The following ABI3 variants were observed in gnomAD, a reference collection of about 807,000 sequenced individuals.
The protein encoded by ABI3 is ABI gene family member 3.
In ABI3, 24 loss-of-function variants were observed where a neutral mutation model predicts 37.0. The ratio of observed to expected loss-of-function variants is 0.65; its 90% confidence interval spans 0.47 to 0.91. ABI3 has a LOEUF of 0.91. Among genes scored for constraint, ABI3 ranks in the 40% least tolerant of loss-of-function variants. The pLI is 0.00. For missense variants in ABI3, 481 were observed against 485.1 expected (o/e 0.99, Z 0.08); for synonymous variants, 220 against 211.8 (o/e 1.04, Z -0.34).
chr17:49,219,549 A>G lies in ABI3; in HGVS notation c.472A>G (p.Thr158Ala), dbSNP rs1049912551. The change falls in exon 4 of 8, where the codon ACG (threonine) becomes GCG (alanine). Residue 158 changes from threonine to alanine, a missense_variant. Physicochemically the swap from Thr to Ala is moderately conservative, Grantham distance 58. Transcript: ENST00000225941. This position sits in a 1 kb window ranked among gnomAD's most constrained non-coding sequence, Gnocchi z 4.3. The stretch of plus-strand genomic sequence containing the variant: ...TCCCGCTCCCTCGCAGGACCTCAGC[A>G]CGCAGCTGTCAAGAACAGGCACCCT... ...DIGHGIKDLS[T>A]QLSRTGTLSR... is the part of the protein sequence containing the mutation. 6 of 1,603,726 alleles carry G rather than the reference A, an allele frequency of 3.7e-6. No homozygotes were observed. Among genetic ancestry groups the G allele is most frequent in the East Asian group, 2.3e-5 (1 of 44,420 alleles).
intron 1 of ABI3, 33 bp from the exon 2 acceptor site, chr17:49,216,498 C>G: frequency 6.8e-7 from 1 of 1,480,966 alleles, no homozygotes; most frequent in Non-Finnish European, 9.0e-7. Context: ...GTGGAAGATG[C>G]TGGCCCTTAG....
In ABI3 at chr17:49,222,566, C is replaced by T. The variant is rs756129561; in HGVS notation, c.952C>T (p.Pro318Ser). 60 of 1,613,924 alleles carry T rather than the reference C, an allele frequency of 3.7e-5. No individual in the cohort carries two copies. In the South Asian group the frequency reaches 6.0e-4, roughly 16 times the overall value. Residue 318 changes from proline (P) to serine (S), a missense_variant, in exon 8 of 8, where the codon CCA (proline) becomes TCA (serine). Transcript: ENST00000225941. ...TTGCCCTGCAGTGGTGACACTGTAC[C>T]CATACACCAGCCAGAAGGACAATGA... is the stretch of plus-strand genomic sequence containing the variant. ...SYLEKVVTLY[P>S]YTSQKDNELS...
chr17:49,218,876 C>G (rs2143532141), intron 3 of ABI3, among the ~76,000 whole-genome samples: 1 of 151,916 alleles, frequency 6.6e-6, no homozygotes. Flanking sequence ...CTGAGCCACC[C>G]AAAGTTCTGG....
At position 49,220,339 on chromosome 17, in the gene ABI3, A is replaced by C; in HGVS notation, c.802+13A>C. On this transcript the variant is annotated intron_variant, in intron 6 of 7. Coordinates refer to ENST00000225941, the MANE Select transcript of ABI3 (RefSeq NM_016428.3). ...CCACCCCCACCGGGTAAGGAGGTCC[A>C]CCCTCTTCTTCCCAACCGTGGGGTC... 1 of 1,563,090 alleles carries C rather than the reference A, an allele frequency of 6.4e-7. No individual in the cohort carries two copies. Among genetic ancestry groups the C allele is most frequent in the Non-Finnish European group, 8.7e-7 (1 of 1,153,410 alleles).
At position 49,215,584 on chromosome 17, in the gene ABI3, G is replaced by A. The variant is rs956843537; in HGVS notation, c.118-947G>A. Among the ~76,000 whole-genome samples the A allele has an allele frequency of 1.3e-4, 20 of 151,640 alleles. No homozygotes were observed. The South Asian group carries it at 2.9e-3, about 22-fold the overall frequency. ...GTGATTTTGGCTCACTGCAACCTCC[G>A]CCTCCCGGGTTCAAGTGATTCTCAT... On this transcript the variant is annotated intron_variant, in intron 1 of 7. Coordinates refer to ENST00000225941, the MANE Select transcript of ABI3 (RefSeq NM_016428.3).
rs1014359172 is a variant in ABI3, at chr17:49,220,455, A to T, written c.802+129A>T. 1.4e-5 allele frequency: 17 copies of T among 1,207,484 alleles called. No individual in the cohort carries two copies. The East Asian group carries it at 3.9e-4, about 27-fold the overall frequency. 74.8% of individuals were successfully genotyped at this position (1,207,484 alleles called of 1,614,324 possible). On this transcript the variant is annotated intron_variant, in intron 6 of 7. Coordinates refer to ENST00000225941, the MANE Select transcript of ABI3 (RefSeq NM_016428.3). ...ATGCCTCCTCCAAGGAGCGCAGCAC[A>T]GGGGCGAAAGGAGACAGAGGAAGTG...
chr17:49,219,132 C>T lies in ABI3; in HGVS notation c.463-408C>T, dbSNP rs960554986. On this transcript the variant is annotated intron_variant, in intron 3 of 7. Coordinates refer to ENST00000225941, the MANE Select transcript of ABI3 (RefSeq NM_016428.3). This position sits in a 1 kb window ranked among gnomAD's most constrained non-coding sequence, Gnocchi z 4.3. ...ACTCCCCAAAGCCAGTTCCACAAAT[C>T]TTCGAAAATGAAAGGTGGGACACTT... is the stretch of plus-strand genomic sequence containing the variant. 1.3e-5 allele frequency among the ~76,000 whole-genome samples: 2 copies of T among 152,158 alleles called. No individual in the cohort carries two copies. Among genetic ancestry groups the T allele is most frequent in the African/African-American group, 4.8e-5 (2 of 41,410 alleles).
At chr17:49,221,332 G>C (rs905437042) in intron 6 of ABI3, among the ~76,000 whole-genome samples, 3 of 151,452 alleles carry the variant, frequency 2.0e-5, no homozygotes, top group African/African-American at 7.3e-5. Context: ...TTAGCCGGGC[G>C]TGGTGGCGGG....
intron 6 of ABI3, among the ~76,000 whole-genome samples, chr17:49,220,868 A>G (rs946598073): frequency 4.8e-5 from 7 of 144,850 alleles, no homozygotes; most frequent in Admixed American, 3.5e-4. Context: ...TAATAATAAT[A>G]ATAATAATAA....
At chr17:49,220,083 C>T (rs1400457165) in intron 5 of ABI3, 86 bp from the exon 6 acceptor site, 2 of 1,590,168 alleles carry the variant, frequency 1.3e-6, no homozygotes, top group Non-Finnish European at 1.7e-6. Context: ...ACGTGCAGGG[C>T]TGGGGTCAGG....
intron 2 of ABI3, 103 bp from the exon 3 acceptor site, chr17:49,217,636 G>T: frequency 9.1e-7 from 1 of 1,098,372 alleles, no homozygotes; most frequent in Non-Finnish European, 1.3e-6. Context: ...TCTAGACCTG[G>T]CTGCCTCCCC....
chr17:49,217,019 C>T (rs1019541661), intron 2 of ABI3, among the ~76,000 whole-genome samples: 1 of 152,148 alleles, frequency 6.6e-6, no homozygotes, highest in Non-Finnish European at 1.5e-5. Context: ...AAGCAGTGCC[C>T]TCATAAATAT....
At chr17:49,221,365 G>A (rs1211863626) in intron 6 of ABI3, among the ~76,000 whole-genome samples, 1 of 151,998 alleles carries the variant, frequency 6.6e-6, no homozygotes, top group Non-Finnish European at 1.5e-5. Context: ...CAGCTACTCG[G>A]GAGGCTGAGG....
chr17:49,216,859 C>T (rs913006255), intron 2 of ABI3, among the ~76,000 whole-genome samples, 161 bp downstream of exon 2: 3 of 152,216 alleles, frequency 2.0e-5, no homozygotes, highest in African/African-American at 7.2e-5. Context: ...TTTGGACCTC[C>T]TTATCTCTGT....
intron 1 of ABI3, among the ~76,000 whole-genome samples, chr17:49,215,243 T>C (rs2043207522): frequency 6.6e-6 from 1 of 152,052 alleles, no homozygotes. Context: ...CCAATGTGGC[T>C]GAAGGGGAGT....
chr17:49,213,606 G>A (rs2043191365), intron 1 of ABI3, among the ~76,000 whole-genome samples: 1 of 152,238 alleles, frequency 6.6e-6, no homozygotes, highest in Non-Finnish European at 1.5e-5. Flanking sequence ...TTTGCATGAT[G>A]AACAAGCACT....
chr17:49,212,676 A>C (rs2043181231), intron 1 of ABI3, among the ~76,000 whole-genome samples: 1 of 152,114 alleles, frequency 6.6e-6, no homozygotes, highest in African/African-American at 2.4e-5. Flanking sequence ...TGAGGTTTGG[A>C]AAGGTTAAGT....
rs2043255550 is a variant in ABI3 at position 49,219,488 on chromosome 17, G to A, written c.463-52G>A. On this transcript the variant is annotated intron_variant, in intron 3 of 7. Coordinates refer to ENST00000225941, the MANE Select transcript of ABI3 (RefSeq NM_016428.3). This position sits in a 1 kb window ranked among gnomAD's most constrained non-coding sequence, Gnocchi z 4.3. ...TCCATTTCCTCTTGGGGATGAGGGT[G>A]GAGGGAGGCCCCTCACCCCAAATGT... 1 of 1,456,018 alleles carries A rather than the reference G, an allele frequency of 6.9e-7. No individual in the cohort carries two copies. Among genetic ancestry groups the A allele is most frequent in the Non-Finnish European group, 9.4e-7 (1 of 1,063,682 alleles). The allele number at this position is 1,456,018 out of a possible 1,614,324, so 90.2% of individuals were successfully genotyped here.
chr17:49,218,770 A>ATTTTT (rs71144583), intron 3 of ABI3, among the ~76,000 whole-genome samples: 3,586 of 131,634 alleles, frequency 0.027, 176 homozygotes, highest in African/African-American at 0.1. Flanking sequence ...TGCCCGGCTA[A>ATTTTT]TTTTTTTTTT....
Sources: gnomAD v4.1 joint callset for allele counts (sites outside exome capture counted in the v4.1 genomes callset) on GRCh38, gnomAD v4.1.1 for gene constraint, Gnocchi (gnomAD v3.1) non-coding constraint, MANE v1.5 for transcripts, NCBI Gene and HGNC (gene_info 2026-07-23, HGNC 2026-07-21) for gene names.